Variants in CNTNAP2 observed in about 807,000 individuals in gnomAD.
CNTNAP2 encodes contactin associated protein 2.
Under a neutral mutation model 155.2 loss-of-function variants are expected in CNTNAP2, and 98 were observed. The observed-to-expected ratio is 0.63, with a 90% CI of 0.54 to 0.75. The LOEUF (loss-of-function observed/expected upper bound fraction) is 0.75. Among genes scored for constraint, CNTNAP2 ranks in the 30% least tolerant of loss-of-function variants. The pLI, the probability that CNTNAP2 is intolerant of heterozygous loss-of-function variation, is 0.00. For synonymous variants in CNTNAP2, 651 were observed against 631.2 expected (o/e 1.03, Z -0.47); for missense variants, 1,727 against 1,688.1 (o/e 1.02, Z -0.40).
At chr7:148,284,273 T>G (rs920925405) in intron 21 of CNTNAP2, among the ~76,000 whole-genome samples, 1 of 151,896 alleles carries the variant, frequency 6.6e-6, no homozygotes, top group South Asian at 2.1e-4. Context: ...CATGGGGGGG[T>G]TTCCCCCATA....
intron 18 of CNTNAP2, among the ~76,000 whole-genome samples, chr7:148,209,844 C>T (rs531227570): frequency 3.3e-5 from 5 of 152,332 alleles, no homozygotes; most frequent in African/African-American, 1.2e-4. Context: ...TCACTTCCTA[C>T]TATGGTCTCC....
At chr7:146,587,133 C>T (rs1798704611) in intron 1 of CNTNAP2, among the ~76,000 whole-genome samples, 1 of 152,032 alleles carries the variant, frequency 6.6e-6, no homozygotes. Flanking sequence ...TCTGCTGCCA[C>T]CAGACTTGAT....
In CNTNAP2 at chr7:148,396,327, C is replaced by T. The variant is rs150850046; in HGVS notation, c.3715+12439C>T. Among the ~76,000 whole-genome samples the T allele has an allele frequency of 2.7e-3, 407 of 152,332 alleles. 1 individual carries two copies. Among genetic ancestry groups the T allele is most frequent in the African/African-American group, 9.2e-3 (382 of 41,568 alleles). Reference sequence around the variant, plus strand: ...CCCCCAGCGATCCCCCATTCAGATGCTTCCTACTGTACCGCATTTTTGAGT... The same window carrying T: ...CCCCCAGCGATCCCCCATTCAGATGTTTCCTACTGTACCGCATTTTTGAGT... On this transcript the variant is annotated intron_variant, in intron 22 of 23. Transcript: ENST00000361727.
chr7:146,576,051 T>C (rs1323458630), intron 1 of CNTNAP2, among the ~76,000 whole-genome samples: 2 of 152,118 alleles, frequency 1.3e-5, no homozygotes, highest in African/African-American at 2.4e-5. Flanking sequence ...GCAACCAACA[T>C]CTGTTTGTAA....
At position 148,409,847 on chromosome 7, in the gene CNTNAP2, C is replaced by G. The variant is rs1406159174; in HGVS notation, c.3796+376C>G. On this transcript the variant is annotated intron_variant, in intron 23 of 23. Coordinates refer to ENST00000361727, the MANE Select transcript of CNTNAP2 (RefSeq NM_014141.6). Reference sequence around the variant, plus strand: ...CGGGCGGATCACAAGGTCAGGAGATCGAGACCATCTTGGCTAACACGGTGA... The same window carrying G: ...CGGGCGGATCACAAGGTCAGGAGATGGAGACCATCTTGGCTAACACGGTGA... 2.4e-4 allele frequency among the ~76,000 whole-genome samples: 17 copies of G among 70,930 alleles called. 6 individuals are homozygous for G. Among genetic ancestry groups the G allele is most frequent in the Non-Finnish European group, 4.2e-4 (14 of 33,458 alleles). 46.5% of individuals were successfully genotyped at this position (70,930 alleles called of 152,430 possible).
chr7:147,338,965 A>C (rs1795710307), intron 9 of CNTNAP2, among the ~76,000 whole-genome samples: 1 of 152,232 alleles, frequency 6.6e-6, no homozygotes, highest in African/African-American at 2.4e-5. Flanking sequence ...AAAATTAATA[A>C]AATCATCTTA....
chr7:147,468,996 T>G (rs35392596), intron 10 of CNTNAP2, among the ~76,000 whole-genome samples: 23,850 of 151,962 alleles, frequency 0.16, 2,279 homozygotes, highest in East Asian at 0.36. Flanking sequence ...CTGATTTTTG[T>G]ATTTTTAGTA....
chr7:146,971,604 A>G (rs1797799925), intron 3 of CNTNAP2, among the ~76,000 whole-genome samples: 1 of 152,138 alleles, frequency 6.6e-6, no homozygotes, highest in Non-Finnish European at 1.5e-5. Flanking sequence ...GGTTCTGCTG[A>G]AGAGGCTTTT....
intron 4 of CNTNAP2, among the ~76,000 whole-genome samples, chr7:147,063,731 T>C (rs779571249): frequency 2.6e-5 from 4 of 152,148 alleles, no homozygotes; most frequent in Non-Finnish European, 5.9e-5. Context: ...AGCACACTTA[T>C]GTCATAAAAA....
chr7:148,062,006 GATGAT>G (rs1563185617), intron 15 of CNTNAP2, among the ~76,000 whole-genome samples: 1,284 of 74,146 alleles, frequency 0.017, 43 homozygotes, highest in African/African-American at 0.043. Flanking sequence ...TAGATAGATA[GATGAT>G]AGAGAGAGAG....
At chr7:146,659,878 TC>T (rs1439572750) in intron 1 of CNTNAP2, among the ~76,000 whole-genome samples, 1 of 152,178 alleles carries the variant, frequency 6.6e-6, no homozygotes, top group Non-Finnish European at 1.5e-5. Flanking sequence ...GAAAAGTGCC[TC>T]CTTCCACACA....
chr7:147,010,882 C>G (rs1340517828), intron 3 of CNTNAP2, among the ~76,000 whole-genome samples: 1 of 151,968 alleles, frequency 6.6e-6, no homozygotes, highest in Non-Finnish European at 1.5e-5. Flanking sequence ...ATGTACCTCC[C>G]CCCGCCCCAA....
At chr7:146,143,436 A>G (rs1229654716) in intron 1 of CNTNAP2, among the ~76,000 whole-genome samples, 3 of 152,124 alleles carry the variant, frequency 2.0e-5, no homozygotes, top group Non-Finnish European at 2.9e-5. Flanking sequence ...ACCTTGTCAC[A>G]TTTAAATTAC....
At chr7:147,400,322 T>C (rs900408856) in intron 10 of CNTNAP2, among the ~76,000 whole-genome samples, 1 of 152,056 alleles carries the variant, frequency 6.6e-6, no homozygotes, top group Non-Finnish European at 1.5e-5. Flanking sequence ...TCAGTCCTTG[T>C]TGGTATTGGC....
chr7:148,339,257 G>GAA (rs11454206), intron 21 of CNTNAP2, among the ~76,000 whole-genome samples: 199 of 140,934 alleles, frequency 1.4e-3, no homozygotes, highest in African/African-American at 3.5e-3. Context: ...CCCAAACATC[G>GAA]AAAAAAAAAA....
chr7:147,550,061 C>T (rs1182636636), intron 11 of CNTNAP2, among the ~76,000 whole-genome samples: 1 of 152,128 alleles, frequency 6.6e-6, no homozygotes, highest in Non-Finnish European at 1.5e-5. Context: ...GAAATGAGTA[C>T]TGCAGATCCT....
intron 8 of CNTNAP2, among the ~76,000 whole-genome samples, chr7:147,263,865 T>C (rs1166855307): frequency 3.9e-5 from 6 of 152,200 alleles, no homozygotes; most frequent in Non-Finnish European, 2.9e-5. Context: ...GGAATCATTT[T>C]GAATGAATTG....
chr7:146,902,680 T>C (rs1258540860), intron 3 of CNTNAP2, among the ~76,000 whole-genome samples: 1 of 152,192 alleles, frequency 6.6e-6, no homozygotes, highest in African/African-American at 2.4e-5. Flanking sequence ...AACGAGCCAG[T>C]GAACGTTAAC....
intron 22 of CNTNAP2, among the ~76,000 whole-genome samples, chr7:148,407,108 ATTCAGG>A (rs1799719373): frequency 6.6e-6 from 1 of 152,228 alleles, no homozygotes; most frequent in Non-Finnish European, 1.5e-5. Context: ...TGAAGAGAAG[ATTCAGG>A]TTTAAAAAAG....
Sources: gnomAD v4.1 joint callset for allele counts (sites outside exome capture counted in the v4.1 genomes callset) on GRCh38, gnomAD v4.1.1 for gene constraint, MANE v1.5 for transcripts, NCBI Gene and HGNC (gene_info 2026-07-23, HGNC 2026-07-21) for gene names.